The following TTN variants were observed in gnomAD, a reference collection of about 807,000 sequenced individuals.
TTN encodes connectin.
TTN carries 1,525 observed loss-of-function variants against 3,223.0 expected under a neutral mutation model. That is an observed-to-expected ratio of 0.47 (90% CI 0.45 to 0.49). TTN has a LOEUF of 0.49. Ranked by LOEUF, TTN falls within the 20% of genes least tolerant of loss-of-function variation. The probability of loss-of-function intolerance (pLI) is 0.00; values close to 1 mark genes in which losing one functional copy is unlikely to be tolerated. For synonymous variants in TTN, 14,094 were observed against 15,161.0 expected (o/e 0.93, Z 5.17); for missense variants, 40,786 against 43,424.0 (o/e 0.94, Z 5.40).
In TTN at chr2:178,632,775, T is replaced by A; in HGVS notation, c.43231A>T (p.Ile14411Phe). 1 of 1,613,022 alleles carries A rather than the reference T, an allele frequency of 6.2e-7. No individual in the cohort carries two copies. The highest frequency in any genetic ancestry group is 8.5e-7 in the Non-Finnish European group (1 of 1,179,502). Reference sequence around the variant, plus strand: ...ACTTTAACATCACTGAGAGGTGTGATGAAGATAAGAGGCAATTCTGAAAGA... The same window carrying A: ...ACTTTAACATCACTGAGAGGTGTGAAGAAGATAAGAGGCAATTCTGAAAGA... ...LKVKELPLIF[I>F]TPLSDVKVFE... is the part of the protein sequence containing the mutation. Residue 14411 changes from isoleucine (I) to phenylalanine (F), a missense_variant, in exon 235 of 363, where the codon ATC becomes TTC. By Grantham distance (21) the Ile-to-Phe change is conservative. Coordinates refer to ENST00000589042, the MANE Select transcript of TTN (RefSeq NM_001267550.2).
chr2:178,709,804 TTC>T lies in TTN; in HGVS notation c.28513_28514del (p.Glu9505AsnfsTer9). 1 of 1,613,666 alleles carries T rather than the reference TTC, an allele frequency of 6.2e-7. No homozygotes were observed. The highest frequency in any genetic ancestry group is 8.5e-7 in the Non-Finnish European group (1 of 1,179,808). On this transcript the variant is annotated frameshift_variant, in exon 99 of 363. Transcript: ENST00000589042. LOFTEE classifies it high-confidence loss of function. ...CAAGTTTGAAAGAATTCCCTTCTGT[TTC>T]TTCTACTGTCTCTGAGAGTCTTTTA... is the stretch of plus-strand genomic sequence containing the variant. Reference protein sequence around the residue: ...FTKRLSETVEETEGNSFKLEG... With the variant: ...FTKRLSETVEXTEGNSFKLEG...
At chr2:178,683,476 G>A (rs771147783) in intron 133 of TTN, among the ~76,000 whole-genome samples, 185 bp from the exon 134 acceptor site, 8 of 151,946 alleles carry the variant, frequency 5.3e-5, no homozygotes, top group Non-Finnish European at 1.0e-4. Flanking sequence ...TATGAAGTAC[G>A]TCAAAGACAT....
intron 13 of TTN, among the ~76,000 whole-genome samples, chr2:178,788,223 G>C (rs2093310478): frequency 6.6e-6 from 1 of 152,046 alleles, no homozygotes; most frequent in South Asian, 2.1e-4. Context: ...TTGTTTAATA[G>C]TGAATCCTTC....
chr2:178,777,082 T>C (rs1313472903), intron 27 of TTN, 33 bp from the exon 28 acceptor site: 8 of 1,613,848 alleles, frequency 5.0e-6, no homozygotes, highest in Non-Finnish European at 6.8e-6. Flanking sequence ...ATAATCAATA[T>C]AGTGGTATAG....
Position 178,557,138 on chromosome 2 carries a change from G to A in TTN, c.88016C>T (p.Pro29339Leu). Residue 29339 changes from proline (P) to leucine (L), a missense_variant, in exon 330 of 363, where the codon CCA (proline) becomes CTA (leucine). Coordinates refer to ENST00000589042, the MANE Select transcript of TTN (RefSeq NM_001267550.2). The part of the protein sequence containing the change: ...PVLAIDACEP[P>L]RNVRITDISK... ...AATATCAGTGATACGAACATTTCTT[G>A]GGGGTTCTGTGGTAATAAGAGAAGC... 5 of 1,613,532 alleles carry A rather than the reference G, an allele frequency of 3.1e-6. No homozygotes were observed. Among genetic ancestry groups the A allele is most frequent in the Non-Finnish European group, 4.2e-6 (5 of 1,179,716 alleles).
intron 236 of TTN, among the ~76,000 whole-genome samples, chr2:178,631,741 A>AT (rs2154220443): frequency 6.6e-6 from 1 of 152,186 alleles, no homozygotes; most frequent in South Asian, 2.1e-4. Flanking sequence ...TCTTGTTGAT[A>AT]TTAGGTGGCC....
rs1336627311 is a variant in TTN at position 178,598,789 on chromosome 2, G to A, written c.56921C>T (p.Ala18974Val). ...AGTCGCTGGGTCTGATGGCAGACTT[G>A]CTGGACCCACGCCAGCAGCATTGAT... ...YAINAAGVGPASLPSDPATAR... is the reference protein window; with the variant it reads ...YAINAAGVGPVSLPSDPATAR... Residue 18974 changes from alanine to valine, a missense_variant, in exon 291 of 363, where the codon GCA becomes GTA. Transcript: ENST00000589042. The A allele has an allele frequency of 6.2e-7, 1 of 1,613,432 alleles. No individual in the cohort carries two copies. The highest frequency in any genetic ancestry group is 8.5e-7 in the Non-Finnish European group (1 of 1,179,550).
At position 178,560,376 on chromosome 2, in the gene TTN, T is replaced by C. The variant is rs1187128207; in HGVS notation, c.85756A>G (p.Ile28586Val). The C allele has an allele frequency of 2.5e-6, 4 of 1,613,626 alleles. No homozygotes were observed. The highest frequency in any genetic ancestry group is 3.4e-6 in the Non-Finnish European group (4 of 1,179,788). The change falls in exon 326 of 363, where the codon ATA becomes GTA. Residue 28586 changes from isoleucine (I) to valine (V), a missense_variant. Transcript: ENST00000589042. The stretch of plus-strand genomic sequence containing the variant: ...CTATTTTTCTCTCGCCTTTCAATTA[T>C]ATATCCAGATATTTCACTACCTCCA... ...SDGGSEISGY[I>V]IERREKNSLR...
rs778868795 is a variant in TTN, at chr2:178,549,602, T to C, written c.92120A>G (p.Asp30707Gly). 6.2e-7 allele frequency: 1 copy of C among 1,613,554 alleles called. No individual in the cohort carries two copies. Among genetic ancestry groups the C allele is most frequent in the Non-Finnish European group, 8.5e-7 (1 of 1,179,536 alleles). ...TATTTGAGCAACCACTGGATCAGAA[T>C]CAAGTGGCCTGCCAACACCAAACTT... Reference protein sequence around the residue: ...VNKFGVGRPLDSDPVVAQIQY... With the variant: ...VNKFGVGRPLGSDPVVAQIQY... Residue 30707 changes from aspartate (D) to glycine (G), a missense_variant, in exon 338 of 363, where the codon GAT (aspartate) becomes GGT (glycine). By Grantham distance (94) the Asp-to-Gly change is moderately conservative (BLOSUM62 -1). Coordinates refer to ENST00000589042, the MANE Select transcript of TTN (RefSeq NM_001267550.2).
rs773891427 is a variant in TTN, at chr2:178,587,403, C to T, written c.63808G>A (p.Val21270Met). 6.2e-7 allele frequency: 1 copy of T among 1,609,612 alleles called. No homozygotes were observed. The highest frequency in any genetic ancestry group is 1.1e-5 in the South Asian group (1 of 90,564). ...ACATCTGAAACTTTTAAATCAGACA[C>T]AGGCCCAGGAGTGTCTGTAAAGAAT... ...NVRVLDTPGP[V>M]SDLKVSDVTK... Residue 21270 changes from valine to methionine, a missense_variant, in exon 307 of 363, where the codon GTG becomes ATG. Val to Met is a conservative substitution (Grantham distance 21, BLOSUM62 1). Coordinates refer to ENST00000589042, the MANE Select transcript of TTN (RefSeq NM_001267550.2).
chr2:178,673,367 TG>T (rs2067351787), intron 152 of TTN, among the ~76,000 whole-genome samples: 1 of 151,812 alleles, frequency 6.6e-6, no homozygotes, highest in African/African-American at 2.4e-5. Flanking sequence ...TCCATTGCTA[TG>T]TGTATAAGTA....
At position 178,567,527 on chromosome 2, in the gene TTN, G is replaced by A; in HGVS notation, c.78605C>T (p.Thr26202Ile). Reference protein sequence around the residue: ...RISMDPKFRDTIVVNAGETFR... With the variant: ...RISMDPKFRDIIVVNAGETFR... Reference sequence around the variant, plus strand: ...TGTTTCTCCAGCATTTACCACAATTGTGTCTCTGAATTTTGGATCCATTGA... The same window carrying A: ...TGTTTCTCCAGCATTTACCACAATTATGTCTCTGAATTTTGGATCCATTGA... The change falls in exon 326 of 363, where the codon ACA becomes ATA. Residue 26202 changes from threonine to isoleucine, a missense_variant. Coordinates refer to ENST00000589042, the MANE Select transcript of TTN (RefSeq NM_001267550.2). The A allele has an allele frequency of 3.1e-6, 5 of 1,611,830 alleles. No individual in the cohort carries two copies. Among genetic ancestry groups the A allele is most frequent in the African/African-American group, 1.3e-5 (1 of 74,930 alleles).
Position 178,697,172 on chromosome 2 carries a change from G to A in TTN, c.30755-4C>T, listed in dbSNP as rs1262306671. On this transcript the variant is annotated splice_region_variant and splice_polypyrimidine_tract_variant and intron_variant, in intron 112 of 362. Transcript: ENST00000589042. Reference sequence around the variant, plus strand: ...GGTGGAGGCTTCTTGACAATCTCTGGGAGTTTAAAAACATAAAAATGTGTG... The same window carrying A: ...GGTGGAGGCTTCTTGACAATCTCTGAGAGTTTAAAAACATAAAAATGTGTG... 3 of 1,524,178 alleles carry A rather than the reference G, an allele frequency of 2.0e-6. No homozygotes were observed. Among genetic ancestry groups the A allele is most frequent in the Non-Finnish European group, 2.6e-6 (3 of 1,138,534 alleles). The allele number at this position is 1,524,178 out of a possible 1,614,324, so 94.4% of individuals were successfully genotyped here.
chr2:178,733,303 T>C lies in TTN; in HGVS notation c.15990A>G (p.Gln5330=), dbSNP rs1348029129. 1 of 1,613,684 alleles carries C rather than the reference T, an allele frequency of 6.2e-7. No individual in the cohort carries two copies. The highest frequency in any genetic ancestry group is 1.7e-5 in the Admixed American group (1 of 60,012). The change falls in exon 54 of 363, where the codon CAA becomes CAG. Residue 5330 remains glutamine (Q), a synonymous_variant. Coordinates refer to ENST00000589042, the MANE Select transcript of TTN (RefSeq NM_001267550.2). ...FYSAELHDSG[Q]YTFEISNEVG... ...CTTCATTGGAAATCTCAAATGTGTA[T>C]TGGCCACTGTCGTGCAGCTCAGCTG...
In TTN at chr2:178,711,275, C is replaced by A. The variant is rs762498001; in HGVS notation, c.27961G>T (p.Asp9321Tyr). Residue 9321 changes from aspartate (D) to tyrosine (Y), a missense_variant, in exon 97 of 363, where the codon GAT (aspartate) becomes TAT (tyrosine). Coordinates refer to ENST00000589042, the MANE Select transcript of TTN (RefSeq NM_001267550.2). Reference protein sequence around the residue: ...QETVGLPVVFDCAISGSEPIS... With the variant: ...QETVGLPVVFYCAISGSEPIS... Reference sequence around the variant, plus strand: ...GGTTCTGATCCACTTATGGCACAATCAAAAACAACTGGCAGTCCAACTGTT... The same window carrying A: ...GGTTCTGATCCACTTATGGCACAATAAAAAACAACTGGCAGTCCAACTGTT... The A allele has an allele frequency of 1.9e-6, 3 of 1,613,268 alleles. No homozygotes were observed. In the South Asian group the frequency reaches 3.3e-5, roughly 18 times the overall value.
chr2:178,559,852 C>T lies in TTN; in HGVS notation c.86280G>A (p.Met28760Ile), dbSNP rs756980643. The T allele has an allele frequency of 3.7e-6, 6 of 1,611,504 alleles. No individual in the cohort carries two copies. Among genetic ancestry groups the T allele is most frequent in the East Asian group, 2.2e-5 (1 of 44,878 alleles). The change falls in exon 326 of 363, where the codon ATG becomes ATA. Residue 28760 changes from methionine (M) to isoleucine (I), a missense_variant. Transcript: ENST00000589042. ...CAGCCTTGACAATCAAGGTCTTCCT[C>T]ATTTCACTGTCAATATCAAATAAAG... ...EEPLFDIDSE[M>I]RKTLIVKAGA...
rs2057435280 is a variant in TTN at position 178,616,882 on chromosome 2, G to C, written c.48007C>G (p.Leu16003Val). ...TATWCFGDKV[L>V]ETGDRVKMKT... is the part of the protein sequence containing the mutation. Reference sequence around the variant, plus strand: ...ATTTTCACCCGGTCCCCTGTTTCTAGTACTTTATCTCCAAAACACCAGGTT... The same window carrying C: ...ATTTTCACCCGGTCCCCTGTTTCTACTACTTTATCTCCAAAACACCAGGTT... Residue 16003 changes from leucine (L) to valine (V), a missense_variant, in exon 256 of 363, where the codon CTA (leucine) becomes GTA (valine). Coordinates refer to ENST00000589042, the MANE Select transcript of TTN (RefSeq NM_001267550.2). The C allele has an allele frequency of 1.2e-6, 2 of 1,612,662 alleles. No homozygotes were observed. Among genetic ancestry groups the C allele is most frequent in the Non-Finnish European group, 1.7e-6 (2 of 1,179,184 alleles).
Position 178,570,062 on chromosome 2 carries a change from C to G in TTN, c.76070G>C (p.Arg25357Pro). The stretch of plus-strand genomic sequence containing the variant: ...TCTCAGGCGCAACTCTCCAATCAGA[C>G]GCTTATGGCATCTTGTCCATCTAAT... ...EGIRWTRCHK[R>P]LIGELRLRVT... Residue 25357 changes from arginine (R) to proline (P), a missense_variant, in exon 326 of 363, where the codon CGT becomes CCT. Coordinates refer to ENST00000589042, the MANE Select transcript of TTN (RefSeq NM_001267550.2). 1 of 1,613,374 alleles carries G rather than the reference C, an allele frequency of 6.2e-7. No individual in the cohort carries two copies. Among genetic ancestry groups the G allele is most frequent in the Admixed American group, 1.7e-5 (1 of 59,972 alleles).
chr2:178,723,802 G>A, intron 73 of TTN, 54 bp downstream of exon 73: 1 of 1,553,440 alleles, frequency 6.4e-7, no homozygotes, highest in Non-Finnish European at 8.7e-7. Flanking sequence ...ACATAGATGT[G>A]CACCTGAAGA....
Sources: gnomAD v4.1 joint callset for allele counts (sites outside exome capture counted in the v4.1 genomes callset) on GRCh38, gnomAD v4.1.1 for gene constraint, MANE v1.5 for transcripts, NCBI Gene and HGNC (gene_info 2026-07-23, HGNC 2026-07-21) for gene names.